Variants in USP6 observed in about 807,000 individuals in gnomAD.
The protein encoded by USP6 is ubiquitin specific peptidase 6.
A neutral mutation model predicts 175.7 loss-of-function variants in USP6; 128 were observed. That is an observed-to-expected ratio of 0.73 (90% confidence interval 0.63 to 0.84). The LOEUF is 0.84. Ranked by LOEUF, USP6 falls within the 40% of genes least tolerant of loss-of-function variation. The pLI, the probability that USP6 is intolerant of heterozygous loss-of-function variation, is 0.00. For synonymous variants in USP6, 562 were observed against 630.6 expected (o/e 0.89, Z 1.63); for missense variants, 1,498 against 1,760.3 (o/e 0.85, Z 2.67).
chr17:5,149,112 G>A (rs1281577550), intron 30 of USP6, among the ~76,000 whole-genome samples: 1 of 151,854 alleles, frequency 6.6e-6, no homozygotes, highest in Non-Finnish European at 1.5e-5. Context: ...TTAAAAATTT[G>A]TGTCTCCTGG....
At chr17:5,139,767 C>T in intron 22 of USP6, 93 bp downstream of exon 22, 1 of 1,596,160 alleles carries the variant, frequency 6.3e-7, no homozygotes, top group Non-Finnish European at 8.5e-7. Context: ...CGGGATACCT[C>T]CTTTGCAGCT....
intron 30 of USP6, 143 bp downstream of exon 30, chr17:5,148,910 T>A (rs746274097): frequency 2.9e-6 from 4 of 1,403,032 alleles, no homozygotes; most frequent in East Asian, 2.5e-5. Context: ...TTACAAATTT[T>A]ATTTTTTTAC....
chr17:5,138,698 A>G (rs2073341711), intron 21 of USP6, among the ~76,000 whole-genome samples: 1 of 152,190 alleles, frequency 6.6e-6, no homozygotes. Flanking sequence ...AGCCTTGAGC[A>G]AGGGAGACAA....
chr17:5,119,550 G>A (rs766922258), intron 2 of USP6, among the ~76,000 whole-genome samples: 8 of 152,172 alleles, frequency 5.3e-5, no homozygotes, highest in Non-Finnish European at 7.3e-5. Flanking sequence ...TTCCAGTCCA[G>A]TTCCCATCTT....
intron 7 of USP6, chr17:5,128,308 G>C (rs558901299): frequency 1.3e-5 from 2 of 152,150 alleles, no homozygotes; most frequent in Non-Finnish European, 2.9e-5. Context: ...GAATATCCAA[G>C]GGTCATGGAG....
intron 25 of USP6, among the ~76,000 whole-genome samples, chr17:5,143,675 C>G (rs1220436698): frequency 6.6e-6 from 1 of 151,798 alleles, no homozygotes; most frequent in African/African-American, 2.4e-5. Flanking sequence ...ACTTGTTTAT[C>G]TGCTGACCTT....
chr17:5,155,918 C>T (rs764322520), intron 31 of USP6, among the ~76,000 whole-genome samples: 18 of 152,102 alleles, frequency 1.2e-4, no homozygotes, highest in Admixed American at 2.6e-4. Context: ...ATTCGTCCTG[C>T]TAATGCTTCA....
In USP6 at chr17:5,171,695, C is replaced by T; in HGVS notation, c.4047+16C>T. ...CAGCTGTGAGGTAAACATTCTCAAT[C>T]TTTGAATGAAAGTTAGAATATCAAC... is the stretch of plus-strand genomic sequence containing the variant. On this transcript the variant is annotated intron_variant, in intron 37 of 37. Transcript: ENST00000574788. 1 of 1,610,930 alleles carries T rather than the reference C, an allele frequency of 6.2e-7. No homozygotes were observed. The highest frequency in any genetic ancestry group is 8.5e-7 in the Non-Finnish European group (1 of 1,177,894).
intron 28 of USP6, 88 bp from the exon 29 acceptor site, chr17:5,146,995 A>C: frequency 7.5e-7 from 1 of 1,326,016 alleles, no homozygotes; most frequent in Middle Eastern, 1.9e-4. Context: ...AAAGGACCTA[A>C]GACATTCTTT....
At chr17:5,138,905 TG>T in intron 21 of USP6, 3 of 1,010,248 alleles carry the variant, frequency 3.0e-6, no homozygotes, top group Non-Finnish European at 4.2e-6. Flanking sequence ...CCATGTGAGG[TG>T]GCAAGGAGCT....
chr17:5,138,139 C>T lies in USP6; in HGVS notation c.944C>T (p.Ser315Phe). 6.2e-7 allele frequency: 1 copy of T among 1,614,128 alleles called. No homozygotes were observed. Among genetic ancestry groups the T allele is most frequent in the East Asian group, 2.2e-5 (1 of 44,870 alleles). The change falls in exon 21 of 38, where the codon TCC (serine) becomes TTC (phenylalanine). Residue 315 changes from serine to phenylalanine, a missense_variant. Physicochemically the swap from Ser to Phe is radical, Grantham distance 155. Around this residue, in one of 2 missense-constraint regions of USP6, gnomAD observed 1,217 missense variants for 1,500.8 expected, o/e 0.81. Coordinates refer to ENST00000574788, the MANE Select transcript of USP6 (RefSeq NM_001304284.2). ...TCCCTAGAGCGCCTCATGAAGACAT[C>T]CAGGTGTGGCCTGTGGGCACGTCTG... Reference protein sequence around the residue: ...KVQQKRLMKTSRCGLWARLRN... With the variant: ...KVQQKRLMKTFRCGLWARLRN...
intron 2 of USP6, among the ~76,000 whole-genome samples, chr17:5,119,384 G>T (rs900121780): frequency 5.3e-5 from 8 of 152,160 alleles, no homozygotes; most frequent in Non-Finnish European, 8.8e-5. Context: ...TTGAATAGGT[G>T]GGCTTTTATT....
Position 5,132,694 on chromosome 17 carries a change from C to T in USP6, c.196-216C>T, listed in dbSNP as rs560859838. ...CCCACCTAGAGGCTGGGACCTAAGACTGGTGTGTCTGTGGCCTGAGGATGG... is the reference window on the plus strand; with the variant it reads ...CCCACCTAGAGGCTGGGACCTAAGATTGGTGTGTCTGTGGCCTGAGGATGG... On this transcript the variant is annotated intron_variant, in intron 12 of 37. Transcript: ENST00000574788. The surrounding 1 kb of genome is among the most constrained non-coding windows in gnomAD (Gnocchi z 4.7). 6.6e-6 allele frequency among the ~76,000 whole-genome samples: 1 copy of T among 152,264 alleles called. No homozygotes were observed. The highest frequency in any genetic ancestry group is 1.9e-4 in the East Asian group (1 of 5,158).
At chr17:5,147,267 T>A (rs902073550) in intron 29 of USP6, 73 bp downstream of exon 29, 6 of 1,441,662 alleles carry the variant, frequency 4.2e-6, no homozygotes. Flanking sequence ...ATCTTTTTTA[T>A]ATTTGTTCAT....
At chr17:5,118,028 C>T (rs2072572921) in intron 1 of USP6, among the ~76,000 whole-genome samples, 172 bp from the exon 2 acceptor site, 1 of 150,606 alleles carries the variant, frequency 6.6e-6, no homozygotes, top group Non-Finnish European at 1.5e-5. Flanking sequence ...GAGATCATGC[C>T]ACTGCACTCT....
In USP6 at chr17:5,133,465, G is replaced by C. The variant is rs2073142832; in HGVS notation, c.299G>C (p.Gly100Ala). 3 of 1,611,562 alleles carry C rather than the reference G, an allele frequency of 1.9e-6. No individual in the cohort carries two copies. The highest frequency in any genetic ancestry group is 2.5e-6 in the Non-Finnish European group (3 of 1,179,660). The stretch of plus-strand genomic sequence containing the variant: ...CAGCTCATAGATCGAGTGTACAAGG[G>C]AATTCCCATGAACATCCGGGGCCCG... ...SSKLIDRVYK[G>A]IPMNIRGPVW... is the part of the protein sequence containing the mutation. Residue 100 changes from glycine to alanine, a missense_variant, in exon 14 of 38, where the codon GGA (glycine) becomes GCA (alanine). Gly to Ala is a moderately conservative substitution (Grantham distance 60, BLOSUM62 0). Around this residue, in one of 2 missense-constraint regions of USP6, gnomAD observed 281 missense variants for 259.6 expected, o/e 1.08. Coordinates refer to ENST00000574788, the MANE Select transcript of USP6 (RefSeq NM_001304284.2).
intron 36 of USP6, among the ~76,000 whole-genome samples, chr17:5,171,121 G>A (rs1333065733): frequency 6.6e-6 from 1 of 152,162 alleles, no homozygotes; most frequent in Non-Finnish European, 1.5e-5. Flanking sequence ...GGCTGAGACA[G>A]GAGGATCGCT....
chr17:5,171,307 C>T lies in USP6; in HGVS notation c.3955-280C>T, dbSNP rs2144188845. 2.6e-5 allele frequency among the ~76,000 whole-genome samples: 4 copies of T among 151,834 alleles called. No individual in the cohort carries two copies. In the Middle Eastern group the frequency reaches 0.01, roughly 387 times the overall value. ...GAGAGTTGTGATCACTCGACTGCAC[C>T]CCAGCCTGGGTGATAGAGCAAGCCC... On this transcript the variant is annotated intron_variant, in intron 36 of 37. Coordinates refer to ENST00000574788, the MANE Select transcript of USP6 (RefSeq NM_001304284.2).
intron 14 of USP6, 100 bp from the exon 15 acceptor site, chr17:5,133,783 TTTCC>T (rs2073158629): frequency 2.2e-6 from 3 of 1,344,826 alleles, no homozygotes; most frequent in South Asian, 1.2e-5. Context: ...ACCTTCCTTC[TTTCC>T]TTCCTTCCCG....
Sources: gnomAD v4.1 joint callset for allele counts (sites outside exome capture counted in the v4.1 genomes callset) on GRCh38, gnomAD v4.1.1 for gene constraint, gnomAD v4.1.1 regional missense constraint, Gnocchi (gnomAD v3.1) non-coding constraint, MANE v1.5 for transcripts, NCBI Gene and HGNC (gene_info 2026-07-23, HGNC 2026-07-21) for gene names.